RAB10: variants seen among roughly 807,000 people sequenced by gnomAD.
RAB10 encodes the protein ras-related protein Rab-10.
In RAB10, 5 loss-of-function variants were observed where a neutral mutation model predicts 25.7. The ratio of observed to expected loss-of-function variants is 0.19; its 90% CI spans 0.10 to 0.41. The LOEUF is 0.41. Among genes scored for constraint, RAB10 ranks in the 10% least tolerant of loss-of-function variants. RAB10 has a pLI of 1.00. For synonymous variants in RAB10, 89 were observed against 86.4 expected, an observed-to-expected ratio of 1.03 and a Z score of -0.16; for missense variants, 103 against 245.8, an observed-to-expected ratio of 0.42 and a Z score of 3.89.
chr2:26,061,475 C>G (rs1666392832), intron 1 of RAB10, among the ~76,000 whole-genome samples: 1 of 151,976 alleles, frequency 6.6e-6, no homozygotes, highest in African/African-American at 2.4e-5. Flanking sequence ...AACAGTGGCA[C>G]AGTAATAGGC....
At chr2:26,085,682 T>G (rs1488579396) in intron 1 of RAB10, among the ~76,000 whole-genome samples, 2 of 151,810 alleles carry the variant, frequency 1.3e-5, no homozygotes, top group Non-Finnish European at 2.9e-5. Flanking sequence ...GTCATGTATC[T>G]GATCAAGATT....
intron 1 of RAB10, among the ~76,000 whole-genome samples, chr2:26,058,807 T>C (rs1017415559): frequency 6.6e-6 from 1 of 152,214 alleles, no homozygotes; most frequent in Non-Finnish European, 1.5e-5. Flanking sequence ...GTCTTCCCTT[T>C]CTATCCTATA....
chr2:26,066,667 C>G (rs1666517386), intron 1 of RAB10, among the ~76,000 whole-genome samples: 1 of 152,038 alleles, frequency 6.6e-6, no homozygotes, highest in South Asian at 2.1e-4. Context: ...AGGTAACCAC[C>G]CCTGTGTTTC....
intron 1 of RAB10, among the ~76,000 whole-genome samples, chr2:26,047,444 C>G (rs541636264): frequency 1.4e-5 from 2 of 145,844 alleles, no homozygotes; most frequent in East Asian, 2.0e-4. Flanking sequence ...GAGACAGAGT[C>G]TTGTTCTGTC....
intron 1 of RAB10, among the ~76,000 whole-genome samples, chr2:26,044,989 GTTTTTGTTTTTTT>G (rs1665966945): frequency 6.7e-6 from 1 of 148,862 alleles, no homozygotes; most frequent in African/African-American, 2.5e-5. Context: ...CTGTGGTTTT[GTTTTTGTTTTTTT>G]TTTTTGGAGG....
At chr2:26,044,263 C>T (rs913780672) in intron 1 of RAB10, among the ~76,000 whole-genome samples, 14 of 152,218 alleles carry the variant, frequency 9.2e-5, no homozygotes, top group Non-Finnish European at 2.9e-5. Context: ...TGATCACAGA[C>T]GGCCCCTCCT....
At position 26,047,723 on chromosome 2, in the gene RAB10, G is replaced by GTTTT. The variant is rs34517359; in HGVS notation, c.127+13003_127+13006dup. 1.7e-3 allele frequency among the ~76,000 whole-genome samples: 180 copies of GTTTT among 107,830 alleles called. 8 individuals carry two copies. The highest frequency in any genetic ancestry group is 3.6e-3 in the African/African-American group (95 of 26,752). 70.7% of individuals were successfully genotyped at this position (107,830 alleles called of 152,430 possible). A position where few individuals can be genotyped will look rare whatever the true frequency, so the allele number is the denominator to read the frequency against. On this transcript the variant is annotated intron_variant, in intron 1 of 5. Transcript: ENST00000264710. Reference sequence around the variant, plus strand: ...AGGTGTGAGCCACCATGCCTGGCCTGTTTTTTTTTTTTTTTTTTGAGACAG... The same window carrying GTTTT: ...AGGTGTGAGCCACCATGCCTGGCCTGTTTTTTTTTTTTTTTTTTTTTTGAGACAG...
intron 1 of RAB10, among the ~76,000 whole-genome samples, chr2:26,045,948 G>A (rs1432705038): frequency 1.3e-5 from 2 of 152,216 alleles, no homozygotes; most frequent in Non-Finnish European, 2.9e-5. Flanking sequence ...TAAAAGTCTT[G>A]TAAAGGTCAT....
rs1320345221 is a variant in RAB10 at position 26,127,948 on chromosome 2, A to C, written c.516A>C (p.Arg172=). The C allele has an allele frequency of 6.3e-7, 1 of 1,588,352 alleles. No individual in the cohort carries two copies. The highest frequency in any genetic ancestry group is 1.7e-5 in the Admixed American group (1 of 59,958). ...AFLTLAEDIL[R]KTPVKEPNSE... is the part of the protein sequence containing the mutation. ...TCACGTTAGCTGAAGATATCCTTCG[A>C]AAGGTAAGTTCCTGTTTTTATATCC... Residue 172 remains arginine, a synonymous_variant, in exon 5 of 6, where the codon CGA becomes CGC. Transcript: ENST00000264710.
chr2:26,042,136 C>G (rs905698619), intron 1 of RAB10, among the ~76,000 whole-genome samples: 1 of 152,130 alleles, frequency 6.6e-6, no homozygotes, highest in Non-Finnish European at 1.5e-5. Context: ...CTTTTGGTGT[C>G]ATTAATCCTT....
chr2:26,111,899 CT>C (rs1337278997), intron 3 of RAB10, among the ~76,000 whole-genome samples: 2 of 152,212 alleles, frequency 1.3e-5, no homozygotes, highest in Non-Finnish European at 2.9e-5. Flanking sequence ...GGTCCCCAGG[CT>C]TACCCACATT....
In RAB10 at chr2:26,135,024, A is replaced by G; in HGVS notation, c.*3A>G. ...GCTGGAAGAGCAAATGCTGCTGAGCATTCTCCTGTTCCATCAGTTGCCATC... is the reference window on the plus strand; with the variant it reads ...GCTGGAAGAGCAAATGCTGCTGAGCGTTCTCCTGTTCCATCAGTTGCCATC... On this transcript the variant is annotated 3_prime_UTR_variant, in exon 6 of 6. Transcript: ENST00000264710. 1 of 1,609,034 alleles carries G rather than the reference A, an allele frequency of 6.2e-7. No individual in the cohort carries two copies. The highest frequency in any genetic ancestry group is 8.5e-7 in the Non-Finnish European group (1 of 1,175,704).
rs1430505873 is a variant in RAB10 at position 26,116,547 on chromosome 2, T to TG, written c.327+6642dup. Among the ~76,000 whole-genome samples the TG allele has an allele frequency of 7.3e-5, 8 of 109,540 alleles. No homozygotes were observed. In the East Asian group the frequency reaches 7.9e-4, roughly 11 times the overall value. 71.9% of individuals were successfully genotyped at this position (109,540 alleles called of 152,430 possible). A position where few individuals can be genotyped will look rare whatever the true frequency, so the allele number is the denominator to read the frequency against. The stretch of plus-strand genomic sequence containing the variant: ...ATTTCTTTTCTTTCTTTCTGTCTTG[T>TG]GTTTTTTTTTTTTTTTTTTTTTTTT... On this transcript the variant is annotated intron_variant, in intron 3 of 5. Coordinates refer to ENST00000264710, the MANE Select transcript of RAB10 (RefSeq NM_016131.5).
intron 1 of RAB10, among the ~76,000 whole-genome samples, chr2:26,035,512 A>G (rs1304706316): frequency 6.6e-6 from 1 of 152,192 alleles, no homozygotes; most frequent in Non-Finnish European, 1.5e-5. Context: ...CTTAGTGTGG[A>G]AGTAAGAGCT....
intron 1 of RAB10, among the ~76,000 whole-genome samples, chr2:26,067,952 T>TG (rs1256068824): frequency 4.3e-4 from 65 of 152,278 alleles, no homozygotes; most frequent in Non-Finnish European, 5.1e-4. Context: ...CAGAATTTGC[T>TG]GGGGGGTTGA....
chr2:26,078,773 CATATT>C (rs1348671924), intron 1 of RAB10, among the ~76,000 whole-genome samples: 1 of 152,124 alleles, frequency 6.6e-6, no homozygotes, highest in Non-Finnish European at 1.5e-5. Flanking sequence ...AAAAAAAGAA[CATATT>C]ATATAGAGGA....
chr2:26,072,394 G>A (rs890783824), intron 1 of RAB10, among the ~76,000 whole-genome samples: 4 of 151,904 alleles, frequency 2.6e-5, no homozygotes, highest in Middle Eastern at 3.4e-3. Flanking sequence ...CCAGCCTGGC[G>A]ACAGAGTGAG....
chr2:26,077,293 T>C (rs1013911563), intron 1 of RAB10, among the ~76,000 whole-genome samples: 2 of 152,232 alleles, frequency 1.3e-5, no homozygotes, highest in African/African-American at 4.8e-5. Flanking sequence ...AGAAAATTTC[T>C]TATTCTGGTG....
At chr2:26,053,913 T>G (rs1484111196) in intron 1 of RAB10, among the ~76,000 whole-genome samples, 1 of 151,596 alleles carries the variant, frequency 6.6e-6, no homozygotes, top group African/African-American at 2.4e-5. Context: ...AGAGACAGGG[T>G]TTCATCATGT....
Sources: allele counts gnomAD v4.1 joint callset (sites outside exome capture counted in the v4.1 genomes callset), GRCh38; gene constraint gnomAD v4.1.1; transcripts MANE v1.5; gene names NCBI Gene and HGNC (gene_info 2026-07-23, HGNC 2026-07-21).